Variants in CNTNAP5 observed in about 807,000 individuals in gnomAD.
The protein encoded by CNTNAP5 is contactin associated protein family member 5, also known as contactin-associated protein-like 5.
CNTNAP5 carries 72 observed loss-of-function variants against 150.2 expected under a neutral mutation model. The ratio of observed to expected loss-of-function variants is 0.48; its 90% CI spans 0.40 to 0.58. The LOEUF (loss-of-function observed/expected upper bound fraction) is 0.58. CNTNAP5 is among the 20% of genes least tolerant of loss of function. CNTNAP5 has a pLI of 0.00. For synonymous variants in CNTNAP5, 672 were observed against 619.8 expected (o/e 1.08, Z -1.25); for missense variants, 1,636 against 1,626.2 (o/e 1.01, Z -0.10).
At chr2:124,107,457 A>C (rs1683194237) in intron 1 of CNTNAP5, among the ~76,000 whole-genome samples, 1 of 152,224 alleles carries the variant, frequency 6.6e-6, no homozygotes. Context: ...ATGATATTCC[A>C]AACTTTCTGA....
At chr2:124,398,426 C>G (rs1462147682) in intron 3 of CNTNAP5, among the ~76,000 whole-genome samples, 1 of 152,070 alleles carries the variant, frequency 6.6e-6, no homozygotes, top group East Asian at 1.9e-4. Context: ...AGAGAAAAAG[C>G]AGGAGATAAT....
intron 13 of CNTNAP5, among the ~76,000 whole-genome samples, chr2:124,675,123 G>T (rs1190331504): frequency 6.6e-6 from 1 of 151,830 alleles, no homozygotes; most frequent in Non-Finnish European, 1.5e-5. Flanking sequence ...TTACTTTAGG[G>T]CTCTGTTGTT....
intron 10 of CNTNAP5, among the ~76,000 whole-genome samples, chr2:124,531,501 C>T (rs1695108736): frequency 1.3e-5 from 2 of 152,170 alleles, no homozygotes; most frequent in Admixed American, 1.3e-4. Context: ...GTAGTTCTGA[C>T]TCATAGGTAG....
chr2:124,840,841 T>C (rs764199248), intron 19 of CNTNAP5, among the ~76,000 whole-genome samples: 3 of 152,102 alleles, frequency 2.0e-5, no homozygotes, highest in Non-Finnish European at 4.4e-5. Flanking sequence ...CTAGTCTGTC[T>C]TCCCTGCACT....
At chr2:124,799,391 A>G (rs1245525387) in intron 19 of CNTNAP5, among the ~76,000 whole-genome samples, 2 of 152,226 alleles carry the variant, frequency 1.3e-5, no homozygotes, top group East Asian at 3.9e-4. Flanking sequence ...TGGCAGGAAC[A>G]CTATTAGATC....
chr2:124,795,012 T>C (rs773961631), intron 18 of CNTNAP5, among the ~76,000 whole-genome samples: 16 of 152,222 alleles, frequency 1.1e-4, no homozygotes, highest in Non-Finnish European at 2.2e-4. Flanking sequence ...ACAGCTTGGA[T>C]GATTTCTGGA....
chr2:124,443,688 G>T (rs924565265), intron 5 of CNTNAP5, among the ~76,000 whole-genome samples: 3 of 151,902 alleles, frequency 2.0e-5, no homozygotes, highest in African/African-American at 4.8e-5. Context: ...GCAGGATAGG[G>T]TGATTAAAAT....
chr2:124,731,060 A>T (rs545499128), intron 13 of CNTNAP5, among the ~76,000 whole-genome samples: 1 of 152,064 alleles, frequency 6.6e-6, no homozygotes, highest in Non-Finnish European at 1.5e-5. Context: ...CGTTTCCAGC[A>T]CTTCCTAATG....
chr2:124,231,337 G>C, intron 2 of CNTNAP5, among the ~76,000 whole-genome samples: 1 of 152,084 alleles, frequency 6.6e-6, no homozygotes, highest in Non-Finnish European at 1.5e-5. Context: ...CAGTACTCTG[G>C]TACTCATTTT....
At chr2:124,810,274 T>G (rs1295458715) in intron 19 of CNTNAP5, among the ~76,000 whole-genome samples, 3 of 152,330 alleles carry the variant, frequency 2.0e-5, no homozygotes, top group African/African-American at 7.2e-5. Context: ...ATTCCAGCTC[T>G]TGGTGTCTCC....
chr2:124,401,384 A>T (rs1195507029), intron 3 of CNTNAP5, among the ~76,000 whole-genome samples: 1 of 152,232 alleles, frequency 6.6e-6, no homozygotes, highest in Non-Finnish European at 1.5e-5. Flanking sequence ...TTCTGGGTTG[A>T]TGTACATAAT....
intron 1 of CNTNAP5, among the ~76,000 whole-genome samples, chr2:124,195,410 G>A (rs950181837): frequency 6.6e-6 from 1 of 152,192 alleles, no homozygotes; most frequent in South Asian, 2.1e-4. Flanking sequence ...AAAGGTCTAA[G>A]AGCCGTGAGC....
At chr2:124,119,361 G>T (rs1683505135) in intron 1 of CNTNAP5, among the ~76,000 whole-genome samples, 1 of 65,894 alleles carries the variant, frequency 1.5e-5, no homozygotes, top group African/African-American at 4.0e-5. Flanking sequence ...AGAGCAGGAA[G>T]CTTTTTTTTT....
At chr2:124,529,696 G>A (rs1277868273) in intron 10 of CNTNAP5, among the ~76,000 whole-genome samples, 2 of 152,188 alleles carry the variant, frequency 1.3e-5, no homozygotes, top group Non-Finnish European at 2.9e-5. Flanking sequence ...CCTTCAAGGA[G>A]CTTGCTACTT....
At position 124,280,092 on chromosome 2, in the gene CNTNAP5, C is replaced by T. The variant is rs559490200; in HGVS notation, c.381+37699C>T. On this transcript the variant is annotated intron_variant, in intron 3 of 23. Transcript: ENST00000682447. ...TGCATGTGTTTCAAGACCTGATTGT[C>T]ATCCTTAACCTCTTATTTCTGTTTA... Among the ~76,000 whole-genome samples the T allele has an allele frequency of 3.9e-5, 6 of 152,032 alleles. No homozygotes were observed. The South Asian group carries it at 8.3e-4, about 21-fold the overall frequency.
chr2:124,188,852 A>G (rs1685396397), intron 1 of CNTNAP5, among the ~76,000 whole-genome samples: 1 of 152,114 alleles, frequency 6.6e-6, no homozygotes, highest in Non-Finnish European at 1.5e-5. Flanking sequence ...GGCATCTGAC[A>G]TTGTCATGCT....
intron 3 of CNTNAP5, among the ~76,000 whole-genome samples, chr2:124,263,869 C>T (rs1558825314): frequency 1.3e-5 from 2 of 152,084 alleles, no homozygotes; most frequent in African/African-American, 4.8e-5. Flanking sequence ...CTACATATGG[C>T]AGCCAGTTTT....
At chr2:124,523,214 C>T (rs768057773) in intron 8 of CNTNAP5, among the ~76,000 whole-genome samples, 1 of 152,184 alleles carries the variant, frequency 6.6e-6, no homozygotes, top group African/African-American at 2.4e-5. Flanking sequence ...CACTGCTGGA[C>T]TAACTGGCGT....
intron 19 of CNTNAP5, among the ~76,000 whole-genome samples, chr2:124,822,942 A>C (rs959308948): frequency 5.3e-5 from 8 of 152,242 alleles, no homozygotes; most frequent in Non-Finnish European, 1.2e-4. Flanking sequence ...CAACTCTACC[A>C]ATGTGTGACC....
Sources: allele counts gnomAD v4.1 joint callset (sites outside exome capture counted in the v4.1 genomes callset), GRCh38; gene constraint gnomAD v4.1.1; transcripts MANE v1.5; gene names NCBI Gene and HGNC (gene_info 2026-07-23, HGNC 2026-07-21).